The following TMEM91 variants were observed in gnomAD, a reference collection of about 807,000 sequenced individuals.
The protein encoded by TMEM91 is dispanin subfamily C member 3.
A neutral mutation model predicts 13.3 loss-of-function variants in TMEM91; 6 were observed. That is an observed-to-expected ratio of 0.45 (90% CI 0.25 to 0.89). TMEM91 has a LOEUF of 0.89. Among genes scored for constraint, TMEM91 ranks in the 40% least tolerant of loss-of-function variants. The pLI is 0.19. For missense variants in TMEM91, 193 were observed against 228.7 expected, an observed-to-expected ratio of 0.84 and a Z score of 1.01; for synonymous variants, 87 against 101.7, an observed-to-expected ratio of 0.86 and a Z score of 0.87.
chr19:41,375,846 G>T (rs1862859473), upstream of TMEM91, among the ~76,000 whole-genome samples: 1 of 151,394 alleles, frequency 6.6e-6, no homozygotes, highest in Non-Finnish European at 1.5e-5. Context: ...AATCTGCCGG[G>T]CGCGGTGGCT....
At chr19:41,378,256 G>A (rs1180524958) in intron 1 of TMEM91, 25 bp from the exon 2 acceptor site, 4 of 1,558,192 alleles carry the variant, frequency 2.6e-6, no homozygotes, top group Admixed American at 1.8e-5. Context: ...TTTACAACTT[G>A]TCTTTTTCTT....
chr19:41,372,813 T>C (rs916499436), upstream of TMEM91, among the ~76,000 whole-genome samples: 9 of 152,176 alleles, frequency 5.9e-5, no homozygotes, highest in African/African-American at 1.9e-4. Flanking sequence ...ATAAGTAATC[T>C]AGGGGAAGCT....
At position 41,378,405 on chromosome 19, in the gene TMEM91, G is replaced by A. The variant is rs1279690314; in HGVS notation, c.96G>A (p.Gly32=). 1.2e-6 allele frequency: 2 copies of A among 1,614,082 alleles called. No homozygotes were observed. The highest frequency in any genetic ancestry group is 1.7e-6 in the Non-Finnish European group (2 of 1,180,040). The change falls in exon 2 of 4, where the codon GGG becomes GGA. Residue 32 remains glycine (G), a synonymous_variant. Transcript: ENST00000392002. ...AGAAGCCTGGCAGGCATGAGCTGGG[G>A]TCCCCCTTAAGAGAGATAGCCTTTG... is the stretch of plus-strand genomic sequence containing the variant. ...PAQKPGRHEL[G]SPLREIAFAE...
chr19:41,378,493 G>A lies in TMEM91; in HGVS notation c.184G>A (p.Gly62Arg). The part of the protein sequence containing the change: ...PPLPSVSAGL[G>R]EPRPPDVEDM... ...TCTTCCCTCCGTGAGCGCTGGCCTG[G>A]GGGAACCAAGGCCCCCTGATGTTGA... is the stretch of plus-strand genomic sequence containing the variant. Residue 62 changes from glycine (G) to arginine (R), a missense_variant, in exon 2 of 4, where the codon GGG becomes AGG. Transcript: ENST00000392002. 6.2e-7 allele frequency: 1 copy of A among 1,614,052 alleles called. No homozygotes were observed. Among genetic ancestry groups the A allele is most frequent in the Non-Finnish European group, 8.5e-7 (1 of 1,179,972 alleles).
chr19:41,371,362 CT>C (rs2038617172), intron 1 of TMEM91, among the ~76,000 whole-genome samples: 1 of 141,290 alleles, frequency 7.1e-6, no homozygotes, highest in African/African-American at 2.6e-5. Context: ...TCCTTCCTTC[CT>C]TCCTTCTTTC....
upstream of TMEM91, chr19:41,376,319 T>G (rs1377102486): frequency 1.3e-5 from 2 of 152,224 alleles, no homozygotes; most frequent in Non-Finnish European, 1.5e-5. Context: ...GGCTTGCCAG[T>G]TTCCTCCCGC....
chr19:41,367,438 C>G (rs774254502), intron 1 of TMEM91, among the ~76,000 whole-genome samples: 1 of 152,150 alleles, frequency 6.6e-6, no homozygotes, highest in Non-Finnish European at 1.5e-5. Flanking sequence ...CAAGACCAGC[C>G]TGGCCAACAT....
intron 1 of TMEM91, among the ~76,000 whole-genome samples, chr19:41,371,138 A>T (rs2038609767): frequency 1.3e-5 from 2 of 151,602 alleles, no homozygotes; most frequent in African/African-American, 4.9e-5. Flanking sequence ...AGTAGCTGGG[A>T]TTACAGGCAT....
intron 1 of TMEM91, among the ~76,000 whole-genome samples, chr19:41,369,776 C>T (rs1346872074): frequency 1.1e-4 from 16 of 152,128 alleles, no homozygotes; most frequent in African/African-American, 3.4e-4. Context: ...CCATTGCACT[C>T]CAGCCTGGGT....
At position 41,383,744 on chromosome 19, in the gene TMEM91, C is replaced by T; in HGVS notation, c.390C>T (p.Ile130=). 2 of 1,608,530 alleles carry T rather than the reference C, an allele frequency of 1.2e-6. No individual in the cohort carries two copies. Among genetic ancestry groups the T allele is most frequent in the East Asian group, 2.2e-5 (1 of 44,482 alleles). Residue 130 remains isoleucine (I), a synonymous_variant, in exon 4 of 4, where the codon ATC becomes ATT. Coordinates refer to ENST00000392002, the MANE Select transcript of TMEM91 (RefSeq NM_001098821.2). ...KTNKAWAKGD[I]QGAGAASRRA... is the part of the protein sequence containing the mutation. Reference sequence around the variant, plus strand: ...ACAAGGCTTGGGCCAAGGGGGACATCCAGGGGGCAGGGGCCGCCTCCCGCC... The same window carrying T: ...ACAAGGCTTGGGCCAAGGGGGACATTCAGGGGGCAGGGGCCGCCTCCCGCC...
At position 41,383,482 on chromosome 19, in the gene TMEM91, T is replaced by C. The variant is rs886996014; in HGVS notation, c.361-233T>C. ...GAGTTAGAATAGTGGCATATACCAT[T>C]TTAATGTTTTTATTTATTTTTTAAA... is the stretch of plus-strand genomic sequence containing the variant. On this transcript the variant is annotated intron_variant, in intron 3 of 3. Coordinates refer to ENST00000392002, the MANE Select transcript of TMEM91 (RefSeq NM_001098821.2). 1.6e-5 allele frequency: 22 copies of C among 1,407,726 alleles called. No homozygotes were observed. In the African/African-American group the frequency reaches 2.8e-4, roughly 18 times the overall value. 87.2% of individuals were successfully genotyped at this position (1,407,726 alleles called of 1,614,324 possible). A position where few individuals can be genotyped will look rare whatever the true frequency, so the allele number is the denominator to read the frequency against.
At chr19:41,380,465 A>C (rs1411130756) in intron 2 of TMEM91, among the ~76,000 whole-genome samples, 1 of 152,154 alleles carries the variant, frequency 6.6e-6, no homozygotes, top group Non-Finnish European at 1.5e-5. Flanking sequence ...GAAGGATATC[A>C]AAGTCACATG....
At chr19:41,375,437 C>T (rs1336155666), upstream of TMEM91, among the ~76,000 whole-genome samples, 1 of 151,056 alleles carries the variant, frequency 6.6e-6, no homozygotes, top group African/African-American at 2.4e-5. Flanking sequence ...CGCCACCAAG[C>T]CCGGCTAATT....
intron 3 of TMEM91, 200 bp from the exon 4 acceptor site, chr19:41,383,509 TTTATTA>T (rs939859648): frequency 5.9e-5 from 85 of 1,441,128 alleles, no homozygotes; most frequent in East Asian, 1.3e-4. Context: ...TTTTTTAAAA[TTTATTA>T]TTATTATTAT....
At position 41,383,865 on chromosome 19, in the gene TMEM91, C is replaced by T; in HGVS notation, c.511C>T (p.Pro171Ser). 1 of 1,608,350 alleles carries T rather than the reference C, an allele frequency of 6.2e-7. No homozygotes were observed. The highest frequency in any genetic ancestry group is 8.5e-7 in the Non-Finnish European group (1 of 1,177,348). Residue 171 changes from proline (P) to serine (S), a missense_variant, in exon 4 of 4, where the codon CCG becomes TCG. Coordinates refer to ENST00000392002, the MANE Select transcript of TMEM91 (RefSeq NM_001098821.2). ...TLAAYLASRD[P>S]P ...GGCTGCCTACCTTGCCTCCCGAGAC[C>T]CGCCCTAGTTGCCCCTACAGCCCTC...
In TMEM91 at chr19:41,379,137, CTTTT is replaced by C. The variant is rs569382453; in HGVS notation, c.210+639_210+642del. Among the ~76,000 whole-genome samples the C allele has an allele frequency of 2.0e-3, 217 of 109,064 alleles. 3 individuals carry two copies. The highest frequency in any genetic ancestry group is 7.5e-3 in the African/African-American group (202 of 27,102). The allele number at this position is 109,064 out of a possible 152,430, so 71.6% of individuals were successfully genotyped here. A position where few individuals can be genotyped will look rare whatever the true frequency, so the allele number is the denominator to read the frequency against. Reference sequence around the variant, plus strand: ...GTGTGAGCCACCATGCCCAGCCTTCCTTTTTTTTTTTTTTTTTTTTTTTTAAGTT... The same window carrying C: ...GTGTGAGCCACCATGCCCAGCCTTCCTTTTTTTTTTTTTTTTTTTTAAGTT... On this transcript the variant is annotated intron_variant, in intron 2 of 3. Transcript: ENST00000392002.
rs2038924152 is a variant in TMEM91 at position 41,382,841 on chromosome 19, G to A, written c.280G>A (p.Asp94Asn). The A allele has an allele frequency of 6.2e-7, 1 of 1,614,172 alleles. No individual in the cohort carries two copies. Among genetic ancestry groups the A allele is most frequent in the Non-Finnish European group, 8.5e-7 (1 of 1,180,046 alleles). The change falls in exon 3 of 4, where the codon GAC becomes AAC. Residue 94 changes from aspartate to asparagine, a missense_variant. Coordinates refer to ENST00000392002, the MANE Select transcript of TMEM91 (RefSeq NM_001098821.2). ...GSRLSPFLPH[D>N]HLGLAVFSML... ...CCGTCTTTCACCATTTCTACCCCAC[G>A]ACCACCTCGGCTTGGCTGTCTTCTC...
At position 41,376,661 on chromosome 19, in the gene TMEM91, G is replaced by C. The variant is rs1238737383; in HGVS notation, c.-223G>C. On this transcript the variant is annotated 5_prime_UTR_variant, in exon 1 of 4. Coordinates refer to ENST00000392002, the MANE Select transcript of TMEM91 (RefSeq NM_001098821.2). Reference sequence around the variant, plus strand: ...CGTCGGCTTTCAGGGATCCCTCGCCGGACGCCGCGGAGGGACAGAGCCTGG... The same window carrying C: ...CGTCGGCTTTCAGGGATCCCTCGCCCGACGCCGCGGAGGGACAGAGCCTGG... 6.6e-6 allele frequency: 1 copy of C among 152,206 alleles called. No homozygotes were observed. The highest frequency in any genetic ancestry group is 2.4e-5 in the African/African-American group (1 of 41,448). 9.4% of individuals were successfully genotyped at this position (152,206 alleles called of 1,614,324 possible). A position where few individuals can be genotyped will look rare whatever the true frequency, so the allele number is the denominator to read the frequency against.
intron 3 of TMEM91, chr19:41,383,466 T>G (rs1444899331): frequency 1.5e-6 from 2 of 1,317,446 alleles, no homozygotes; most frequent in East Asian, 5.6e-5. Flanking sequence ...TGAGTTAGAA[T>G]AGTGGCATAT....
Sources: gnomAD v4.1 joint callset for allele counts (sites outside exome capture counted in the v4.1 genomes callset) on GRCh38, gnomAD v4.1.1 for gene constraint, MANE v1.5 for transcripts, NCBI Gene and HGNC (gene_info 2026-07-23, HGNC 2026-07-21) for gene names.